The following MCTP1 variants were observed in gnomAD, a reference collection of about 807,000 sequenced individuals.
The protein encoded by MCTP1 is multiple C2 and transmembrane domain containing 1.
In MCTP1, 69 loss-of-function variants were observed where a neutral mutation model predicts 120.6. The observed-to-expected ratio is 0.57, with a 90% CI of 0.47 to 0.70. The LOEUF (loss-of-function observed/expected upper bound fraction) is 0.70. Among genes scored for constraint, MCTP1 ranks in the 30% least tolerant of loss-of-function variants. The pLI is 0.00. For synonymous variants in MCTP1, 529 were observed against 493.1 expected (o/e 1.07, Z -0.96); for missense variants, 1,203 against 1,248.8 (o/e 0.96, Z 0.55).
At position 94,708,582 on chromosome 5, in the gene MCTP1, C is replaced by T. The variant is rs1233011593; in HGVS notation, c.2858G>A (p.Arg953Gln). Residue 953 changes from arginine to glutamine, a missense_variant, in exon 22 of 23, where the codon CGG (arginine) becomes CAG (glutamine). Physicochemically the swap from Arg to Gln is conservative, Grantham distance 43. Coordinates refer to ENST00000515393, the MANE Select transcript of MCTP1 (RefSeq NM_024717.7). ...WGINKFTKKL[R>Q]SPYAIDNNEL... ...ATTGTTATCAATTGCATATGGACTC[C>T]GAAGCTTTTTTGTAAATTTATTGAT... 3.1e-6 allele frequency: 5 copies of T among 1,610,218 alleles called. No homozygotes were observed. Among genetic ancestry groups the T allele is most frequent in the East Asian group, 2.2e-5 (1 of 44,782 alleles).
chr5:95,231,878 G>T (rs1754989271), intron 1 of MCTP1, among the ~76,000 whole-genome samples: 1 of 152,140 alleles, frequency 6.6e-6, no homozygotes, highest in East Asian at 1.9e-4. Context: ...CACATGAAGG[G>T]ATATAGTACT....
At chr5:94,979,373 C>T (rs1486604174) in intron 2 of MCTP1, 1 of 152,102 alleles carries the variant, frequency 6.6e-6, no homozygotes, top group Non-Finnish European at 1.5e-5. Flanking sequence ...TCCTTTTATT[C>T]AGAGATCCTG....
chr5:95,281,815 G>A (rs1253976828), intron 1 of MCTP1, among the ~76,000 whole-genome samples: 1 of 152,156 alleles, frequency 6.6e-6, no homozygotes, highest in East Asian at 1.9e-4. Flanking sequence ...AGAATTGATT[G>A]TATATAGGGA....
chr5:95,075,767 A>G (rs1753389469), intron 1 of MCTP1, among the ~76,000 whole-genome samples: 1 of 152,238 alleles, frequency 6.6e-6, no homozygotes, highest in Non-Finnish European at 1.5e-5. Flanking sequence ...TGAAACAATA[A>G]CTTTCTTAAC....
intron 12 of MCTP1, among the ~76,000 whole-genome samples, chr5:94,875,080 T>C (rs1798547164): frequency 6.6e-6 from 1 of 152,166 alleles, no homozygotes; most frequent in Non-Finnish European, 1.5e-5. Flanking sequence ...TCATGGAGTT[T>C]ACATTGAAGA....
intron 19 of MCTP1, among the ~76,000 whole-genome samples, chr5:94,769,396 A>C (rs1656216713): frequency 6.6e-6 from 1 of 152,184 alleles, no homozygotes; most frequent in Non-Finnish European, 1.5e-5. Flanking sequence ...AGAAGTGATA[A>C]ATTTTTAAGA....
rs535484976 is a variant in MCTP1 at position 94,708,779 on chromosome 5, T to C, written c.2831-170A>G. The C allele has an allele frequency of 1.9e-5, 10 of 539,926 alleles. No individual in the cohort carries two copies. In the Admixed American group the frequency reaches 2.5e-4, roughly 13 times the overall value. 33.4% of individuals were successfully genotyped at this position (539,926 alleles called of 1,614,324 possible). ...TCCTTTCCAGCTCAACTGCTTTTTTTACTTGTACCTTAGTAGCTTCTTCCA... is the reference window on the plus strand; with the variant it reads ...TCCTTTCCAGCTCAACTGCTTTTTTCACTTGTACCTTAGTAGCTTCTTCCA... On this transcript the variant is annotated intron_variant, in intron 21 of 22. Coordinates refer to ENST00000515393, the MANE Select transcript of MCTP1 (RefSeq NM_024717.7).
chr5:94,933,686 T>C (rs189287488), intron 5 of MCTP1, among the ~76,000 whole-genome samples: 44 of 151,976 alleles, frequency 2.9e-4, no homozygotes, highest in African/African-American at 9.9e-4. Context: ...AATTCCATTA[T>C]ATAAGAAATG....
At chr5:95,252,434 G>C (rs907549501) in intron 1 of MCTP1, among the ~76,000 whole-genome samples, 1 of 152,098 alleles carries the variant, frequency 6.6e-6, no homozygotes, top group Non-Finnish European at 1.5e-5. Context: ...GAACTCACCA[G>C]AGCCTTATTT....
At chr5:95,198,220 T>C (rs530447931) in intron 1 of MCTP1, among the ~76,000 whole-genome samples, 1 of 152,274 alleles carries the variant, frequency 6.6e-6, no homozygotes, top group South Asian at 2.1e-4. Flanking sequence ...ATAGCATTTA[T>C]GGAAACTTTC....
Position 95,284,527 on chromosome 5 carries a change from A to C in MCTP1, c.49T>G (p.Ser17Ala), listed in dbSNP as rs555606660. ...AAGEPEPPAA[S>A]SSFQARLWKN... ...CAGAGCCGGGCCTGGAAGGAGGAGG[A>C]CGCCGCCGGCGGCTCTGGCTCGCCC... is the stretch of plus-strand genomic sequence containing the variant. Residue 17 changes from serine to alanine, a missense_variant, in exon 1 of 23, where the codon TCC (serine) becomes GCC (alanine). Ser to Ala is a moderately conservative substitution (Grantham distance 99, BLOSUM62 1). Around this residue, in one of 2 missense-constraint regions of MCTP1, gnomAD observed 463 missense variants for 377.8 expected, o/e 1.23. Transcript: ENST00000515393. The surrounding 1 kb of genome is among the most constrained non-coding windows in gnomAD (Gnocchi z 5.2). 3.4e-5 allele frequency: 51 copies of C among 1,494,066 alleles called. No individual in the cohort carries two copies. The South Asian group carries it at 5.9e-4, about 17-fold the overall frequency. 92.6% of individuals were successfully genotyped at this position (1,494,066 alleles called of 1,614,324 possible).
chr5:95,187,969 C>T (rs922062622), intron 1 of MCTP1, among the ~76,000 whole-genome samples: 3 of 152,088 alleles, frequency 2.0e-5, no homozygotes, highest in Admixed American at 6.5e-5. Context: ...TGTATCAAAA[C>T]GTCTCATGTA....
rs140307260 is a variant in MCTP1, at chr5:95,282,824, TC to T, written c.720+1031del. On this transcript the variant is annotated intron_variant, in intron 1 of 22. Coordinates refer to ENST00000515393, the MANE Select transcript of MCTP1 (RefSeq NM_024717.7). ...AACTTCCAACTGAAAGCCTATCTAT[TC>T]CCGTATCTTACCCTTCAAACACAGC... Among the ~76,000 whole-genome samples, 513 of 152,382 alleles carry T rather than the reference TC, an allele frequency of 3.4e-3. 6 individuals are homozygous for T. In the East Asian group the frequency reaches 0.053, roughly 16 times the overall value.
chr5:95,169,369 T>C (rs1746902777), intron 1 of MCTP1, among the ~76,000 whole-genome samples: 1 of 152,184 alleles, frequency 6.6e-6, no homozygotes, highest in Non-Finnish European at 1.5e-5. Flanking sequence ...TTTTTTGTGG[T>C]GTTTATGCCA....
intron 1 of MCTP1, among the ~76,000 whole-genome samples, chr5:95,221,386 C>A (rs939656641): frequency 6.6e-6 from 1 of 152,188 alleles, no homozygotes; most frequent in Non-Finnish European, 1.5e-5. Flanking sequence ...TTGGGCAGAG[C>A]CATCTGTCTG....
chr5:94,986,078 A>G (rs781127088), intron 2 of MCTP1, among the ~76,000 whole-genome samples: 26 of 152,202 alleles, frequency 1.7e-4, no homozygotes, highest in Admixed American at 2.6e-4. Context: ...AGGGAGGGCA[A>G]TCATCCATTT....
chr5:95,242,570 A>T (rs572765778), intron 1 of MCTP1, among the ~76,000 whole-genome samples: 1 of 152,358 alleles, frequency 6.6e-6, no homozygotes, highest in Non-Finnish European at 1.5e-5. Flanking sequence ...AAGAAAAAAG[A>T]ATGAACTATT....
intron 2 of MCTP1, among the ~76,000 whole-genome samples, chr5:95,006,321 A>G (rs1253196297): frequency 1.3e-5 from 2 of 151,432 alleles, no homozygotes; most frequent in African/African-American, 4.8e-5. Context: ...ATATGTATGT[A>G]TATGTATATA....
At chr5:95,223,840 G>GA (rs1401070797) in intron 1 of MCTP1, among the ~76,000 whole-genome samples, 1 of 152,180 alleles carries the variant, frequency 6.6e-6, no homozygotes, top group Non-Finnish European at 1.5e-5. Flanking sequence ...AGTTACTTCT[G>GA]AAGTCTTTAA....
Sources: gnomAD v4.1 joint callset for allele counts (sites outside exome capture counted in the v4.1 genomes callset) on GRCh38, gnomAD v4.1.1 for gene constraint, gnomAD v4.1.1 regional missense constraint, Gnocchi (gnomAD v3.1) non-coding constraint, MANE v1.5 for transcripts, NCBI Gene and HGNC (gene_info 2026-07-23, HGNC 2026-07-21) for gene names.